Variants in COL4A6 observed in about 807,000 individuals in gnomAD.
The protein encoded by COL4A6 is collagen alpha-6(IV) chain.
In COL4A6, 59 loss-of-function variants were observed where a neutral mutation model predicts 126.7. The ratio of observed to expected loss-of-function variants is 0.47; its 90% CI spans 0.38 to 0.58. The LOEUF is 0.58. Among genes scored for constraint, COL4A6 ranks in the 20% least tolerant of loss-of-function variants. The probability of loss-of-function intolerance (pLI) is 0.00; values close to 1 mark genes in which losing one functional copy is unlikely to be tolerated. For missense variants in COL4A6, 1,285 were observed against 1,337.3 expected (o/e 0.96, Z 0.61); for synonymous variants, 547 against 496.6 (o/e 1.10, Z -1.35).
chrX:108,432,841 A>G (rs931626371), intron 2 of COL4A6, among the ~76,000 whole-genome samples: 1 of 111,595 alleles, frequency 9.0e-6, no homozygotes, highest in African/African-American at 3.3e-5. Flanking sequence ...GTCTCAAACA[A>G]AAAAACAAAA....
chrX:108,204,309 A>C lies in COL4A6; in HGVS notation c.780+11T>G. The C allele has an allele frequency of 8.7e-7, 1 of 1,144,627 alleles. No individual in the cohort carries two copies. Among genetic ancestry groups the C allele is most frequent in the Non-Finnish European group, 1.2e-6 (1 of 858,800 alleles). 94.3% of individuals were successfully genotyped at this position (1,144,627 alleles called of 1,213,427 possible). ...TTTATTAATTTTTTCCTATTCTTAAATGTTCACTACCTTGGATCCTTTCTT... is the reference window on the plus strand; with the variant it reads ...TTTATTAATTTTTTCCTATTCTTAACTGTTCACTACCTTGGATCCTTTCTT... On this transcript the variant is annotated intron_variant, in intron 12 of 44. Transcript: ENST00000334504.
intron 2 of COL4A6, among the ~76,000 whole-genome samples, chrX:108,414,872 C>A (rs1333403000): frequency 3.6e-5 from 4 of 111,447 alleles, no homozygotes; most frequent in Non-Finnish European, 7.5e-5. Context: ...TGTCTTTGAA[C>A]CATATTAGGA....
chrX:108,171,532 T>C lies in COL4A6; in HGVS notation c.3203-71A>G. On this transcript the variant is annotated intron_variant, in intron 32 of 44. Transcript: ENST00000334504. ...CTCATTTTGCACCACTGAGATCTTT[T>C]GAACACATTTTTTTTTTCAGATTCA... The C allele has an allele frequency of 2.0e-5, 19 of 927,867 alleles. No individual in the cohort carries two copies. In the South Asian group the frequency reaches 4.0e-4, roughly 20 times the overall value. The allele number at this position is 927,867 out of a possible 1,213,427, so 76.5% of individuals were successfully genotyped here. A position where few individuals can be genotyped will look rare whatever the true frequency, so the allele number is the denominator to read the frequency against.
Position 108,160,490 on chromosome X carries a change from G to T in COL4A6, c.4498C>A (p.Gln1500Lys), listed in dbSNP as rs2033891376. Residue 1500 changes from glutamine (Q) to lysine (K), a missense_variant, in exon 43 of 45, where the codon CAA becomes AAA. Transcript: ENST00000334504. The part of the protein sequence containing the change: ...VGYSLLFVEG[Q>K]EKAHNQDLGF... ...AGGTCCTGGTTGTGGGCTTTCTCTT[G>T]CCCCTCCACAAACAGTAAGCTGTAC... The T allele has an allele frequency of 8.3e-7, 1 of 1,205,532 alleles. No individual in the cohort carries two copies. The highest frequency in any genetic ancestry group is 1.1e-6 in the Non-Finnish European group (1 of 892,529).
chrX:108,404,718 C>G (rs972126143), intron 2 of COL4A6, among the ~76,000 whole-genome samples: 1 of 111,649 alleles, frequency 9.0e-6, no homozygotes. Flanking sequence ...GCATGCATCT[C>G]CTAACAAATA....
chrX:108,322,837 G>C (rs1419236055), intron 2 of COL4A6, among the ~76,000 whole-genome samples: 2 of 111,512 alleles, frequency 1.8e-5, no homozygotes, highest in African/African-American at 6.5e-5. Flanking sequence ...TTTAGTATGA[G>C]TATGTCCCAA....
chrX:108,347,475 G>A (rs772446240), intron 2 of COL4A6, among the ~76,000 whole-genome samples: 1 of 111,681 alleles, frequency 9.0e-6, no homozygotes, highest in South Asian at 3.8e-4. Context: ...GTCTTTCAAC[G>A]TTGGCCTTCA....
At chrX:108,287,465 T>C (rs2038037531) in intron 3 of COL4A6, among the ~76,000 whole-genome samples, 3 of 112,036 alleles carry the variant, frequency 2.7e-5, no homozygotes, top group Non-Finnish European at 5.6e-5. Flanking sequence ...GTTTTAAAAC[T>C]TTATTTGGCA....
At position 108,418,152 on chromosome X, in the gene COL4A6, G is replaced by T. The variant is rs919362606; in HGVS notation, c.63+19790C>A. Among the ~76,000 whole-genome samples, 5 of 111,897 alleles carry T rather than the reference G, an allele frequency of 4.5e-5. 1 individual carries two copies. In the Admixed American group the frequency reaches 4.7e-4, roughly 11 times the overall value. ...TAGCTTCTAAGTGATTTGACATAAC[G>T]AATAGGTGTTAATAGAAGGATGCTG... On this transcript the variant is annotated intron_variant, in intron 2 of 44. Transcript: ENST00000334504.
intron 8 of COL4A6, among the ~76,000 whole-genome samples, chrX:108,208,956 G>A (rs925021347): frequency 3.6e-5 from 4 of 112,180 alleles, no homozygotes; most frequent in Non-Finnish European, 7.5e-5. Context: ...TGTGTATGTG[G>A]ACAAACATTG....
At chrX:108,280,408 G>T (rs1479984787) in intron 3 of COL4A6, among the ~76,000 whole-genome samples, 5 of 110,058 alleles carry the variant, frequency 4.5e-5, no homozygotes, top group African/African-American at 6.6e-5. Flanking sequence ...AATGAATAAA[G>T]TCCTCGACAC....
At chrX:108,318,189 A>T (rs2038933061) in intron 2 of COL4A6, among the ~76,000 whole-genome samples, 1 of 111,143 alleles carries the variant, frequency 9.0e-6, no homozygotes, top group African/African-American at 3.3e-5. Flanking sequence ...CATGCTAAAA[A>T]CTCTCAATAA....
At chrX:108,185,368 G>C (rs931148480) in intron 23 of COL4A6, among the ~76,000 whole-genome samples, 1 of 94,258 alleles carries the variant, frequency 1.1e-5, no homozygotes, top group Admixed American at 1.2e-4. Flanking sequence ...CTACAGCCTG[G>C]GTGAGAGTAA....
chrX:108,204,204 C>T (rs2035476198), intron 12 of COL4A6, 116 bp downstream of exon 12: 1 of 509,392 alleles, frequency 2.0e-6, no homozygotes, highest in African/African-American at 2.4e-5. Context: ...AAACAAAAAT[C>T]CATTACCCAG....
chrX:108,228,180 G>A (rs1270220081), intron 3 of COL4A6, among the ~76,000 whole-genome samples: 1 of 112,224 alleles, frequency 8.9e-6, no homozygotes, highest in East Asian at 2.8e-4. Flanking sequence ...ATCTCTGAGT[G>A]AAATGGCTTT....
rs12390111 is a variant in COL4A6, at chrX:108,405,480, C to T, written c.63+32462G>A. On this transcript the variant is annotated intron_variant, in intron 2 of 44. Coordinates refer to ENST00000334504, the MANE Select transcript of COL4A6 (RefSeq NM_033641.4). Reference sequence around the variant, plus strand: ...TATTACAGGCATGAGCCACTGTGCCCGGCCAGAAATTCAGTATCATTGTTA... The same window carrying T: ...TATTACAGGCATGAGCCACTGTGCCTGGCCAGAAATTCAGTATCATTGTTA... 4.1e-3 allele frequency among the ~76,000 whole-genome samples: 453 copies of T among 111,344 alleles called. 3 individuals are homozygous for T. The highest frequency in any genetic ancestry group is 0.013 in the African/African-American group (405 of 30,664).
intron 26 of COL4A6, 34 bp downstream of exon 26, chrX:108,179,183 T>C (rs916785696): frequency 2.6e-6 from 3 of 1,146,063 alleles, no homozygotes; most frequent in Non-Finnish European, 3.6e-6. Flanking sequence ...AGGCTTTCTG[T>C]AGATTGTTAA....
chrX:108,164,033 A>G (rs780271230), intron 40 of COL4A6, among the ~76,000 whole-genome samples: 1 of 111,559 alleles, frequency 9.0e-6, no homozygotes, highest in Non-Finnish European at 1.9e-5. Context: ...GTTCATTCCT[A>G]CGCCATGGGA....
chrX:108,178,601 A>G, intron 27 of COL4A6, 83 bp downstream of exon 27: 1 of 972,301 alleles, frequency 1.0e-6, no homozygotes, highest in Admixed American at 2.7e-5. Flanking sequence ...ATGTCCCACT[A>G]CTGCTATTGC....
Sources: allele counts gnomAD v4.1 joint callset (sites outside exome capture counted in the v4.1 genomes callset), GRCh38; gene constraint gnomAD v4.1.1; transcripts MANE v1.5; gene names NCBI Gene and HGNC (gene_info 2026-07-23, HGNC 2026-07-21).